Variants in IGF1 observed in about 807,000 individuals in gnomAD.
IGF1 encodes insulin-like growth factor 1.
IGF1 carries 4 observed loss-of-function variants against 13.8 expected under a neutral mutation model. That is an observed-to-expected ratio of 0.29 (90% CI 0.14 to 0.66). The LOEUF (loss-of-function observed/expected upper bound fraction) is 0.66. Among genes scored for constraint, IGF1 ranks in the 30% least tolerant of loss-of-function variants. The probability of loss-of-function intolerance (pLI) is 0.78; values close to 1 mark genes in which losing one functional copy is unlikely to be tolerated. For missense variants in IGF1, 124 were observed against 188.5 expected (o/e 0.66, Z 2.00); for synonymous variants, 76 against 72.6 (o/e 1.05, Z -0.23).
chr12:102,469,666 A>G (rs955715618), intron 2 of IGF1, among the ~76,000 whole-genome samples: 3 of 152,104 alleles, frequency 2.0e-5, no homozygotes, highest in Non-Finnish European at 2.9e-5. Context: ...CTTGCTCCTT[A>G]TCTCCCAGAA....
chr12:102,436,912 G>C (rs2137074140), intron 2 of IGF1, among the ~76,000 whole-genome samples: 1 of 152,308 alleles, frequency 6.6e-6, no homozygotes, highest in South Asian at 2.1e-4. Context: ...AAATCCAACA[G>C]TGCCCAAAGG....
In IGF1 at chr12:102,434,108, A is replaced by G. The variant is rs551272022; in HGVS notation, c.221-14418T>C. On this transcript the variant is annotated intron_variant, in intron 2 of 3. Transcript: ENST00000337514. Reference sequence around the variant, plus strand: ...ATTTTTTGATTTCACTTGTTTCATCATTTGAGTTCAGAGGGCATTTCAAAA... The same window carrying G: ...ATTTTTTGATTTCACTTGTTTCATCGTTTGAGTTCAGAGGGCATTTCAAAA... 9.8e-4 allele frequency among the ~76,000 whole-genome samples: 148 copies of G among 150,268 alleles called. 1 individual carries two copies. The highest frequency in any genetic ancestry group is 3.6e-3 in the African/African-American group (147 of 40,958).
intron 2 of IGF1, among the ~76,000 whole-genome samples, chr12:102,443,456 G>A (rs1003776629): frequency 6.6e-6 from 1 of 152,070 alleles, no homozygotes; most frequent in African/African-American, 2.4e-5. Flanking sequence ...AAATTGCTGG[G>A]TCTTGAAGAT....
intron 2 of IGF1, among the ~76,000 whole-genome samples, chr12:102,425,191 G>T (rs1876093246): frequency 6.6e-6 from 1 of 152,124 alleles, no homozygotes; most frequent in Non-Finnish European, 1.5e-5. Flanking sequence ...GTACATTTCT[G>T]CTTTTCTGTG....
At chr12:102,440,936 T>C (rs897936907) in intron 2 of IGF1, among the ~76,000 whole-genome samples, 5 of 152,212 alleles carry the variant, frequency 3.3e-5, no homozygotes, top group Non-Finnish European at 7.3e-5. Context: ...TGTGATGTAA[T>C]TAGATGGTGC....
intron 2 of IGF1, among the ~76,000 whole-genome samples, chr12:102,473,325 C>G (rs1566007624): frequency 6.6e-6 from 1 of 152,208 alleles, no homozygotes; most frequent in Non-Finnish European, 1.5e-5. Context: ...CAAGGTCAAT[C>G]TCTCATTCAT....
chr12:102,448,689 TAAAAAAAAAAAAA>T (rs58794507), intron 2 of IGF1, among the ~76,000 whole-genome samples: 1 of 110,326 alleles, frequency 9.1e-6, no homozygotes, highest in Non-Finnish European at 1.8e-5. Context: ...TAGAGTATAA[TAAAAAAAAAAAAA>T]AAAAAAAAAA....
At chr12:102,414,899 A>G (rs1396130274) in intron 3 of IGF1, among the ~76,000 whole-genome samples, 1 of 152,218 alleles carries the variant, frequency 6.6e-6, no homozygotes, top group Non-Finnish European at 1.5e-5. Context: ...GCCCTAGGAA[A>G]CAATTGAAGT....
chr12:102,417,048 C>A (rs1592749500), intron 3 of IGF1, among the ~76,000 whole-genome samples: 1 of 152,274 alleles, frequency 6.6e-6, no homozygotes, highest in East Asian at 1.9e-4. Context: ...CATGACAGAG[C>A]CTTCTCTAAG....
intron 2 of IGF1, among the ~76,000 whole-genome samples, chr12:102,447,126 A>C (rs1878421033): frequency 6.6e-6 from 1 of 152,140 alleles, no homozygotes; most frequent in Admixed American, 6.5e-5. Flanking sequence ...TCATTTGCTA[A>C]GGAGTGTTTT....
chr12:102,455,921 C>T (rs182011033), intron 2 of IGF1, among the ~76,000 whole-genome samples: 22 of 152,272 alleles, frequency 1.4e-4, no homozygotes, highest in Admixed American at 5.9e-4. Context: ...CATTGGATAT[C>T]GCTTCCTGGA....
chr12:102,429,479 C>G (rs1423756020), intron 2 of IGF1, among the ~76,000 whole-genome samples: 1 of 152,032 alleles, frequency 6.6e-6, no homozygotes, highest in Non-Finnish European at 1.5e-5. Context: ...CCCATGAAAA[C>G]TATTTTTCTG....
intron 1 of IGF1, among the ~76,000 whole-genome samples, chr12:102,479,536 A>T (rs1397964822): frequency 6.6e-6 from 1 of 152,246 alleles, no homozygotes; most frequent in African/African-American, 2.4e-5. Flanking sequence ...GGACTTCACG[A>T]CACTGAATAT....
intron 2 of IGF1, among the ~76,000 whole-genome samples, chr12:102,441,804 A>G (rs577591851): frequency 6.6e-6 from 1 of 152,256 alleles, no homozygotes; most frequent in South Asian, 2.1e-4. Context: ...ATATTGAGCC[A>G]TAGAAAAGTT....
chr12:102,455,158 G>T (rs529953345), intron 2 of IGF1, among the ~76,000 whole-genome samples: 1 of 152,202 alleles, frequency 6.6e-6, no homozygotes, highest in African/African-American at 2.4e-5. Context: ...GAAGAACTAA[G>T]GGTTCAGGTT....
chr12:102,407,016 C>A (rs1874208753), intron 3 of IGF1, among the ~76,000 whole-genome samples: 1 of 138,824 alleles, frequency 7.2e-6, no homozygotes, highest in African/African-American at 2.7e-5. Flanking sequence ...ATTGCTTGAA[C>A]CCAGGAGGCG....
chr12:102,480,600 A>G, upstream of IGF1: 2 of 1,395,148 alleles, frequency 1.4e-6, no homozygotes, highest in Non-Finnish European at 1.9e-6. Flanking sequence ...TATCTACAAA[A>G]CACAGACACT....
chr12:102,411,279 C>A (rs769725653), intron 3 of IGF1, among the ~76,000 whole-genome samples: 1 of 152,212 alleles, frequency 6.6e-6, no homozygotes, highest in Admixed American at 6.5e-5. Context: ...CATTGCACAT[C>A]CCCAACTCTA....
intron 2 of IGF1, among the ~76,000 whole-genome samples, chr12:102,430,073 C>G (rs940502449): frequency 6.6e-6 from 1 of 152,102 alleles, no homozygotes; most frequent in Non-Finnish European, 1.5e-5. Context: ...TGGACACTTG[C>G]CTTCTGTCTG....
Sources: gnomAD v4.1 joint callset for allele counts (sites outside exome capture counted in the v4.1 genomes callset) on GRCh38, gnomAD v4.1.1 for gene constraint, MANE v1.5 for transcripts, NCBI Gene and HGNC (gene_info 2026-07-23, HGNC 2026-07-21) for gene names.